FANCI: variants seen among roughly 807,000 people sequenced by gnomAD.
The protein encoded by FANCI is Fanconi anemia group I protein.
FANCI carries 156 observed loss-of-function variants against 176.1 expected under a neutral mutation model. That is an observed-to-expected ratio of 0.89 (90% CI 0.78 to 1.01). The LOEUF (loss-of-function observed/expected upper bound fraction) is 1.01. FANCI is among the 50% of genes least tolerant of loss of function. FANCI has a pLI of 0.00. For synonymous variants in FANCI, 613 were observed against 541.7 expected (o/e 1.13, Z -1.83); for missense variants, 1,678 against 1,534.1 (o/e 1.09, Z -1.57).
intron 2 of FANCI, among the ~76,000 whole-genome samples, chr15:89,257,585 G>T (rs35979522): frequency 6.6e-6 from 1 of 152,094 alleles, no homozygotes; most frequent in Admixed American, 6.5e-5. Context: ...TCTGTGTCCA[G>T]AGTTCCCCTT....
chr15:89,300,076 T>C (rs189197690), intron 25 of FANCI, 110 bp downstream of exon 25: 1 of 1,259,798 alleles, frequency 7.9e-7, no homozygotes, highest in East Asian at 2.3e-5. Flanking sequence ...GTCCTAATGT[T>C]GCTAAGGAGT....
rs145858073 is a variant in FANCI, at chr15:89,315,532, C to G, written c.3924+143C>G. The G allele has an allele frequency of 5.8e-6, 4 of 689,858 alleles. No individual in the cohort carries two copies. In the Admixed American group the frequency reaches 6.3e-5, roughly 11 times the overall value. 42.7% of individuals were successfully genotyped at this position (689,858 alleles called of 1,614,324 possible). A position where few individuals can be genotyped will look rare whatever the true frequency, so the allele number is the denominator to read the frequency against. On this transcript the variant is annotated intron_variant, in intron 37 of 37. Transcript: ENST00000310775. ...CAGGCAAAGATGAGAGCAAAGGACT[C>G]TCAGAAGGGTTGTAAACTTTGGACC...
intron 24 of FANCI, among the ~76,000 whole-genome samples, chr15:89,295,741 A>C (rs35282568): frequency 0.33 from 36,141 of 108,926 alleles, 6,836 homozygotes; most frequent in Non-Finnish European, 0.35. Context: ...CGCCCCCCCC[A>C]CCTTTTTTTT....
chr15:89,268,673 A>G, intron 10 of FANCI, 148 bp downstream of exon 10: 1 of 939,066 alleles, frequency 1.1e-6, no homozygotes, highest in East Asian at 2.6e-5. Context: ...TTACTTTAAA[A>G]GTGGAAAATA....
chr15:89,300,275 A>G (rs772480324), intron 25 of FANCI, 25 bp from the exon 26 acceptor site: 1 of 1,603,060 alleles, frequency 6.2e-7, no homozygotes, highest in Non-Finnish European at 8.5e-7. Flanking sequence ...ATCAAAGAAG[A>G]CAAGAGTTTC....
chr15:89,292,304 A>T (rs1408474355), intron 20 of FANCI, among the ~76,000 whole-genome samples: 1 of 152,202 alleles, frequency 6.6e-6, no homozygotes, highest in Non-Finnish European at 1.5e-5. Context: ...CTCAGCCTAG[A>T]TCTAAGATGC....
chr15:89,302,265 G>T (rs1020688307), intron 27 of FANCI, among the ~76,000 whole-genome samples: 1 of 152,106 alleles, frequency 6.6e-6, no homozygotes, highest in Non-Finnish European at 1.5e-5. Context: ...GCTTCCTGTC[G>T]TCCTACTTCC....
chr15:89,268,968 C>G lies in FANCI; in HGVS notation c.882+443C>G, dbSNP rs951021477. Among the ~76,000 whole-genome samples the G allele has an allele frequency of 4.6e-5, 7 of 152,194 alleles. No individual in the cohort carries two copies. In the South Asian group the frequency reaches 8.3e-4, roughly 18 times the overall value. ...TGGAGTTGTGTGATGCTAAGTCATT[C>G]ATCATGAAGTATTTGTAAAGCAGTA... On this transcript the variant is annotated intron_variant, in intron 10 of 37. Coordinates refer to ENST00000310775, the MANE Select transcript of FANCI (RefSeq NM_001113378.2).
At position 89,292,743 on chromosome 15, in the gene FANCI, T is replaced by C; in HGVS notation, c.2048T>C (p.Ile683Thr). The change falls in exon 21 of 38, where the codon ATA becomes ACA. Residue 683 changes from isoleucine to threonine, a missense_variant. Ile to Thr is a moderately conservative substitution (Grantham distance 89). Transcript: ENST00000310775. ...HCLAWYKNTV[I>T]PLQQGEEEEE... ...TTGGCCTGGTATAAGAATACAGTCATACCCTTACAGCAGGGAGAGGAGGAA... is the reference window on the plus strand; with the variant it reads ...TTGGCCTGGTATAAGAATACAGTCACACCCTTACAGCAGGGAGAGGAGGAA... 6.2e-7 allele frequency: 1 copy of C among 1,613,946 alleles called. No homozygotes were observed.
intron 10 of FANCI, among the ~76,000 whole-genome samples, chr15:89,271,894 C>G (rs1006743895): frequency 6.6e-6 from 1 of 152,222 alleles, no homozygotes; most frequent in African/African-American, 2.4e-5. Context: ...TTGGCTATTA[C>G]AAATAATGCT....
At chr15:89,269,170 A>ACCT (rs1428570965) in intron 10 of FANCI, among the ~76,000 whole-genome samples, 3 of 152,180 alleles carry the variant, frequency 2.0e-5, no homozygotes, top group Non-Finnish European at 2.9e-5. Flanking sequence ...TGCCACATTT[A>ACCT]CCTCACTTTT....
chr15:89,246,554 C>T (rs1036794967), intron 1 of FANCI, among the ~76,000 whole-genome samples: 10 of 152,176 alleles, frequency 6.6e-5, no homozygotes, highest in African/African-American at 2.4e-4. Context: ...TCATTTTCCC[C>T]CAAAGAAATT....
At chr15:89,259,150 A>C (rs963206607) in intron 3 of FANCI, 3 of 277,692 alleles carry the variant, frequency 1.1e-5, no homozygotes, top group Non-Finnish European at 1.4e-5. Context: ...GGGGTATCTT[A>C]AGGTGCCTTA....
intron 9 of FANCI, among the ~76,000 whole-genome samples, chr15:89,267,332 A>AT (rs1159827768): frequency 0.072 from 6,802 of 94,730 alleles, 540 homozygotes; most frequent in African/African-American, 0.18. Flanking sequence ...AAAAAAAAAA[A>AT]TTTTTTTTTT....
intron 24 of FANCI, among the ~76,000 whole-genome samples, chr15:89,295,308 G>T (rs913224055): frequency 6.6e-6 from 1 of 151,016 alleles, no homozygotes; most frequent in African/African-American, 2.4e-5. Context: ...GGAGGTCGCA[G>T]TGAGCTGAGT....
chr15:89,272,864 A>G (rs968608438), intron 10 of FANCI, among the ~76,000 whole-genome samples: 1 of 151,960 alleles, frequency 6.6e-6, no homozygotes, highest in East Asian at 1.9e-4. Context: ...ACAGGGTTTC[A>G]CCATGTTGGC....
Position 89,290,273 on chromosome 15 carries a change from C to T in FANCI, c.1882C>T (p.Leu628Phe). 6.2e-7 allele frequency: 1 copy of T among 1,612,208 alleles called. No individual in the cohort carries two copies. Among genetic ancestry groups the T allele is most frequent in the Non-Finnish European group, 8.5e-7 (1 of 1,178,308 alleles). ...QLANSVMQTL[L>F]SQLKQFYEPK... is the part of the protein sequence containing the mutation. Reference sequence around the variant, plus strand: ...GGCTAATTCAGTCATGCAAACTCTGCTCTCACAGGTAAAATACATTTTTAT... The same window carrying T: ...GGCTAATTCAGTCATGCAAACTCTGTTCTCACAGGTAAAATACATTTTTAT... Residue 628 changes from leucine to phenylalanine, a missense_variant, in exon 19 of 38, where the codon CTC (leucine) becomes TTC (phenylalanine). Physicochemically the swap from Leu to Phe is conservative, Grantham distance 22. Around this residue, in one of 3 missense-constraint regions of FANCI, gnomAD observed 1,204 missense variants for 1,077.4 expected, o/e 1.12. Transcript: ENST00000310775.
rs148925775 is a variant in FANCI at position 89,308,414 on chromosome 15, T to C, written c.3651+742T>C. ...ACTGTCTCCTAAGGCCACTTAGTCATGCAGTAAATGTATCACAGGGCTGTT... is the reference window on the plus strand; with the variant it reads ...ACTGTCTCCTAAGGCCACTTAGTCACGCAGTAAATGTATCACAGGGCTGTT... On this transcript the variant is annotated intron_variant, in intron 34 of 37. Transcript: ENST00000310775. 2.8e-3 allele frequency among the ~76,000 whole-genome samples: 427 copies of C among 152,324 alleles called. 8 individuals are homozygous for C. Among genetic ancestry groups the C allele is most frequent in the East Asian group, 0.015 (77 of 5,182 alleles).
rs1001398270 is a variant in FANCI, at chr15:89,293,752, A to G, written c.2292-81A>G. 1.2e-5 allele frequency: 15 copies of G among 1,272,876 alleles called. No homozygotes were observed. In the African/African-American group the frequency reaches 1.9e-4, roughly 16 times the overall value. 78.8% of individuals were successfully genotyped at this position (1,272,876 alleles called of 1,614,324 possible). A position where few individuals can be genotyped will look rare whatever the true frequency, so the allele number is the denominator to read the frequency against. The stretch of plus-strand genomic sequence containing the variant: ...TCTAAAATATGACATTTAAAGAAGC[A>G]TTGTGATTATTATCATATGTAAAAG... On this transcript the variant is annotated intron_variant, in intron 22 of 37. Transcript: ENST00000310775.
Sources: allele counts gnomAD v4.1 joint callset (sites outside exome capture counted in the v4.1 genomes callset), GRCh38; gene constraint gnomAD v4.1.1; regional missense constraint gnomAD v4.1.1; transcripts MANE v1.5; gene names NCBI Gene and HGNC (gene_info 2026-07-23, HGNC 2026-07-21).